Variants in BICRA observed in about 807,000 individuals in gnomAD.
BICRA encodes BRD4 interacting chromatin remodeling complex associated protein.
BICRA carries 31 observed loss-of-function variants against 96.9 expected under a neutral mutation model. That is an observed-to-expected ratio of 0.32 (90% CI 0.24 to 0.43). The LOEUF (loss-of-function observed/expected upper bound fraction) is 0.43. Among genes scored for constraint, BICRA ranks in the 20% least tolerant of loss-of-function variants. BICRA has a pLI of 1.00. For missense variants in BICRA, 2,283 were observed against 2,190.3 expected, an observed-to-expected ratio of 1.04 and a Z score of -0.84; for synonymous variants, 1,350 against 1,071.8, an observed-to-expected ratio of 1.26 and a Z score of -5.07.
At chr19:47,676,002 G>A in intron 5 of BICRA, 86 bp downstream of exon 5, 1 of 892,442 alleles carries the variant, frequency 1.1e-6, no homozygotes, top group Non-Finnish European at 1.8e-6. Context: ...GGAGGCTTGG[G>A]CTCATCTCGT....
chr19:47,649,078 C>T (rs983676140), intron 1 of BICRA, among the ~76,000 whole-genome samples: 1 of 152,068 alleles, frequency 6.6e-6, no homozygotes, highest in East Asian at 1.9e-4. Context: ...GTCTCAATCT[C>T]CTGACCTTGT....
intron 1 of BICRA, among the ~76,000 whole-genome samples, chr19:47,666,519 C>A: frequency 6.6e-6 from 1 of 152,032 alleles, no homozygotes; most frequent in Non-Finnish European, 1.5e-5. Context: ...TCAGTTGATC[C>A]TCCCACCCCG....
chr19:47,668,540 G>A (rs971807829), intron 1 of BICRA, among the ~76,000 whole-genome samples: 1 of 144,456 alleles, frequency 6.9e-6, no homozygotes, highest in Non-Finnish European at 1.5e-5. Flanking sequence ...AGGCTGAAGT[G>A]CAAGTGGTGC....
chr19:47,695,623 CAGGG>C (rs1973328511), intron 10 of BICRA, 149 bp downstream of exon 10: 1 of 608,014 alleles, frequency 1.6e-6, no homozygotes, highest in South Asian at 2.0e-5. Flanking sequence ...AACAGCCGTG[CAGGG>C]ACAGGAAGGG....
At chr19:47,646,877 T>C (rs1359694376) in intron 1 of BICRA, among the ~76,000 whole-genome samples, 1 of 152,142 alleles carries the variant, frequency 6.6e-6, no homozygotes, top group East Asian at 1.9e-4. Flanking sequence ...GTTATAACCA[T>C]CACCATAATC....
In BICRA at chr19:47,679,305, C is replaced by G. The variant is rs1425078663; in HGVS notation, c.151-16C>G. 6 of 1,417,924 alleles carry G rather than the reference C, an allele frequency of 4.2e-6. No individual in the cohort carries two copies. Among genetic ancestry groups the G allele is most frequent in the Non-Finnish European group, 5.5e-6 (6 of 1,084,822 alleles). 87.8% of individuals were successfully genotyped at this position (1,417,924 alleles called of 1,614,324 possible). A position where few individuals can be genotyped will look rare whatever the true frequency, so the allele number is the denominator to read the frequency against. On this transcript the variant is annotated splice_polypyrimidine_tract_variant and intron_variant, in intron 5 of 14. Transcript: ENST00000594866. ...CTAACCTCAGCTCTTTCCTTCCCAC[C>G]TTTCCCGGCCTGCAGCTCCATGTGC...
chr19:47,664,679 G>A (rs1431804460), intron 1 of BICRA, among the ~76,000 whole-genome samples: 7 of 152,350 alleles, frequency 4.6e-5, no homozygotes, highest in Admixed American at 2.0e-4. Flanking sequence ...CTTCGGCTGT[G>A]TGATGCCACA....
intron 1 of BICRA, among the ~76,000 whole-genome samples, chr19:47,625,137 T>C (rs965983585): frequency 2.6e-5 from 4 of 151,522 alleles, no homozygotes; most frequent in Non-Finnish European, 4.4e-5. Flanking sequence ...GTAGCTGGGA[T>C]TACAGGCGTG....
At chr19:47,668,789 C>T (rs1477586835) in intron 1 of BICRA, among the ~76,000 whole-genome samples, 2 of 152,102 alleles carry the variant, frequency 1.3e-5, no homozygotes, top group Non-Finnish European at 2.9e-5. Flanking sequence ...CGGCGCCCGG[C>T]TGTCTTTGTG....
intron 1 of BICRA, among the ~76,000 whole-genome samples, chr19:47,647,104 C>T (rs749495083): frequency 4.6e-5 from 7 of 152,212 alleles, no homozygotes; most frequent in Non-Finnish European, 7.3e-5. Context: ...AAGGTCCCTC[C>T]GTGTGTGTCA....
At chr19:47,609,461 C>T (rs1971862247) in intron 1 of BICRA, among the ~76,000 whole-genome samples, 1 of 113,202 alleles carries the variant, frequency 8.8e-6, no homozygotes, top group Non-Finnish European at 2.2e-5. Context: ...ACCGCCGCCG[C>T]CCCGATCCTA....
intron 1 of BICRA, among the ~76,000 whole-genome samples, chr19:47,611,866 G>A (rs1455784481): frequency 6.6e-6 from 1 of 151,936 alleles, no homozygotes; most frequent in Non-Finnish European, 1.5e-5. Flanking sequence ...TCAACTGGTG[G>A]CATTTAATTT....
chr19:47,637,310 A>G (rs1381167729), intron 1 of BICRA, among the ~76,000 whole-genome samples: 5 of 151,838 alleles, frequency 3.3e-5, no homozygotes, highest in African/African-American at 4.8e-5. Flanking sequence ...TAGTAGAGAC[A>G]GGGTTTCACC....
At chr19:47,610,508 G>T (rs1184787029) in intron 1 of BICRA, among the ~76,000 whole-genome samples, 2 of 152,082 alleles carry the variant, frequency 1.3e-5, no homozygotes, top group African/African-American at 4.8e-5. Context: ...CAGCTCTCCC[G>T]GGGAGGCCCA....
At chr19:47,668,976 G>C (rs550743369) in intron 1 of BICRA, among the ~76,000 whole-genome samples, 1 of 152,098 alleles carries the variant, frequency 6.6e-6, no homozygotes, top group South Asian at 2.1e-4. Context: ...TATAGTGGCA[G>C]GTGCCTTATC....
intron 1 of BICRA, among the ~76,000 whole-genome samples, chr19:47,657,171 A>G (rs1366554124): frequency 6.6e-6 from 1 of 151,794 alleles, no homozygotes; most frequent in African/African-American, 2.4e-5. Flanking sequence ...CATGTTCTAG[A>G]TCTTTACACA....
chr19:47,677,462 C>T (rs139099281), intron 5 of BICRA, among the ~76,000 whole-genome samples: 2,163 of 151,970 alleles, frequency 0.014, 51 homozygotes, highest in African/African-American at 0.049. Flanking sequence ...TTTGGGAGGC[C>T]GAGGTGGGCG....
At chr19:47,690,860 A>G (rs1038275747) in intron 7 of BICRA, among the ~76,000 whole-genome samples, 2 of 151,952 alleles carry the variant, frequency 1.3e-5, no homozygotes, top group Non-Finnish European at 2.9e-5. Context: ...ATTTTTTGGT[A>G]TCTTTAAGCT....
chr19:47,700,725 C>T (rs557865264), intron 14 of BICRA: 91 of 151,624 alleles, frequency 6.0e-4, no homozygotes, highest in Non-Finnish European at 1.1e-3. Context: ...ACCCAGGAGG[C>T]GGAGGTTGCA....
Sources: allele counts gnomAD v4.1 joint callset (sites outside exome capture counted in the v4.1 genomes callset), GRCh38; gene constraint gnomAD v4.1.1; transcripts MANE v1.5; gene names NCBI Gene and HGNC (gene_info 2026-07-23, HGNC 2026-07-21).